The following SH3PXD2B variants were observed in gnomAD, a reference collection of about 807,000 sequenced individuals.
The protein encoded by SH3PXD2B is SH3 and PX domain-containing protein 2B.
SH3PXD2B carries 37 observed loss-of-function variants against 73.1 expected under a neutral mutation model. That is an observed-to-expected ratio of 0.51 (90% CI 0.39 to 0.67). The LOEUF (loss-of-function observed/expected upper bound fraction) is 0.67. Among genes scored for constraint, SH3PXD2B ranks in the 30% least tolerant of loss-of-function variants. The pLI is 0.00. For synonymous variants in SH3PXD2B, 457 were observed against 480.5 expected (o/e 0.95, Z 0.64); for missense variants, 1,053 against 1,197.8 (o/e 0.88, Z 1.78).
At chr5:172,376,796 G>A (rs567354848) in intron 5 of SH3PXD2B, among the ~76,000 whole-genome samples, 5 of 152,288 alleles carry the variant, frequency 3.3e-5, no homozygotes, top group South Asian at 2.1e-4. Context: ...CACTGCGTCC[G>A]CATACATCCC....
chr5:172,361,681 C>A (rs950777014), intron 7 of SH3PXD2B, among the ~76,000 whole-genome samples: 1 of 152,200 alleles, frequency 6.6e-6, no homozygotes, highest in Non-Finnish European at 1.5e-5. Context: ...CGAATTCTGG[C>A]TCTGCAGGCT....
At chr5:172,383,942 G>A (rs1195411291) in intron 4 of SH3PXD2B, among the ~76,000 whole-genome samples, 2 of 151,902 alleles carry the variant, frequency 1.3e-5, no homozygotes, top group Non-Finnish European at 2.9e-5. Context: ...TGCCTCCCGG[G>A]TTCAAGTGAT....
chr5:172,381,445 C>T (rs1005435554), intron 5 of SH3PXD2B, among the ~76,000 whole-genome samples: 4 of 152,170 alleles, frequency 2.6e-5, no homozygotes, highest in East Asian at 1.9e-4. Context: ...GGTAAGCAGG[C>T]GGTGCTAGAG....
chr5:172,443,147 C>A (rs1759584678), intron 1 of SH3PXD2B, among the ~76,000 whole-genome samples: 1 of 152,140 alleles, frequency 6.6e-6, no homozygotes, highest in Non-Finnish European at 1.5e-5. Flanking sequence ...AATAACAGAA[C>A]CTCGTGGTGG....
intron 5 of SH3PXD2B, among the ~76,000 whole-genome samples, chr5:172,376,719 G>A (rs1013585470): frequency 1.3e-5 from 2 of 152,208 alleles, no homozygotes; most frequent in Non-Finnish European, 2.9e-5. Context: ...GGTCAGAGTG[G>A]AATGTCCTAG....
chr5:172,412,487 C>T (rs1001688479), intron 2 of SH3PXD2B, among the ~76,000 whole-genome samples: 1 of 152,220 alleles, frequency 6.6e-6, no homozygotes, highest in Non-Finnish European at 1.5e-5. Flanking sequence ...ATTTAAACCA[C>T]ATCCAATTTT....
At chr5:172,433,894 C>T (rs1034353253) in intron 1 of SH3PXD2B, among the ~76,000 whole-genome samples, 1 of 152,138 alleles carries the variant, frequency 6.6e-6, no homozygotes, top group Non-Finnish European at 1.5e-5. Context: ...GAATGTTGCC[C>T]AACCCTTCAC....
chr5:172,347,297 G>A lies in SH3PXD2B; in HGVS notation c.1048C>T (p.Arg350Trp), dbSNP rs1311003368. The A allele has an allele frequency of 7.4e-6, 12 of 1,614,020 alleles. No homozygotes were observed. The highest frequency in any genetic ancestry group is 6.8e-6 in the Non-Finnish European group (8 of 1,180,016). Residue 350 changes from arginine (R) to tryptophan (W), a missense_variant, in exon 11 of 13, where the codon CGG becomes TGG. Arg to Trp is a moderately radical substitution (Grantham distance 101, BLOSUM62 -3). Coordinates refer to ENST00000311601, the MANE Select transcript of SH3PXD2B (RefSeq NM_001017995.3). ...PKMRQRPPPR[R>W]DMTIPRGLNL... The stretch of plus-strand genomic sequence containing the variant: ...GATCCACTTACAATGGTCATGTCCC[G>A]GCGAGGAGGGGGTCTCTGCCTCATC...
intron 6 of SH3PXD2B, among the ~76,000 whole-genome samples, chr5:172,371,091 G>A (rs1757694115): frequency 6.6e-6 from 1 of 152,134 alleles, no homozygotes; most frequent in South Asian, 2.1e-4. Flanking sequence ...CTCTCAAGAG[G>A]TACAGTGCCT....
At chr5:172,365,369 C>T (rs1033803416) in intron 6 of SH3PXD2B, among the ~76,000 whole-genome samples, 1 of 152,216 alleles carries the variant, frequency 6.6e-6, no homozygotes. Context: ...CTGGATCACA[C>T]AGCTGGCTAT....
chr5:172,326,639 TGTC>T (rs1451720130), intron 12 of SH3PXD2B, among the ~76,000 whole-genome samples: 1 of 152,218 alleles, frequency 6.6e-6, no homozygotes, highest in African/African-American at 2.4e-5. Flanking sequence ...AGGCAGGGGT[TGTC>T]AAGCTCTGTA....
chr5:172,402,789 G>C (rs1159886876), intron 3 of SH3PXD2B, among the ~76,000 whole-genome samples: 1 of 152,228 alleles, frequency 6.6e-6, no homozygotes, highest in Non-Finnish European at 1.5e-5. Context: ...CCAGCACCGG[G>C]GTGGCCCTTA....
At chr5:172,447,025 C>A (rs1409315412) in intron 1 of SH3PXD2B, among the ~76,000 whole-genome samples, 2 of 152,078 alleles carry the variant, frequency 1.3e-5, no homozygotes, top group Non-Finnish European at 2.9e-5. Context: ...CAGGAGAATC[C>A]TTTGGGACAG....
chr5:172,439,888 G>A (rs1194645141), intron 1 of SH3PXD2B, among the ~76,000 whole-genome samples: 1 of 152,176 alleles, frequency 6.6e-6, no homozygotes, highest in African/African-American at 2.4e-5. Context: ...CAGGCGTGCA[G>A]CTCCAGCCCA....
chr5:172,378,611 C>T (rs912981457), intron 5 of SH3PXD2B, among the ~76,000 whole-genome samples: 3 of 152,220 alleles, frequency 2.0e-5, no homozygotes, highest in East Asian at 1.9e-4. Context: ...CCTTCCTCTG[C>T]CCTTGGGCAA....
intron 10 of SH3PXD2B, among the ~76,000 whole-genome samples, chr5:172,350,058 T>C (rs1265362831): frequency 6.6e-6 from 1 of 152,192 alleles, no homozygotes; most frequent in East Asian, 1.9e-4. Context: ...TTTCACCATG[T>C]TGGCCAGGCT....
rs761819354 is a variant in SH3PXD2B, at chr5:172,350,503, G to A, written c.872C>T (p.Ser291Leu). The change falls in exon 10 of 13, where the codon TCA becomes TTA. Residue 291 changes from serine to leucine, a missense_variant. By Grantham distance (145) the Ser-to-Leu change is moderately radical (BLOSUM62 -2). Coordinates refer to ENST00000311601, the MANE Select transcript of SH3PXD2B (RefSeq NM_001017995.3). ...EPLPPKPGPG[S>L]PSHPGALDLD... ...GTCAAGGGCACCCGGGTGGGAGGGT[G>A]AGCCAGGGCCTGGCTTCGGGGGCAA... 2.5e-6 allele frequency: 4 copies of A among 1,614,054 alleles called. No individual in the cohort carries two copies. Among genetic ancestry groups the A allele is most frequent in the South Asian group, 1.1e-5 (1 of 91,082 alleles).
At chr5:172,344,255 T>A (rs1228172386) in intron 12 of SH3PXD2B, among the ~76,000 whole-genome samples, 1 of 151,962 alleles carries the variant, frequency 6.6e-6, no homozygotes, top group East Asian at 1.9e-4. Context: ...GAAGCAAAAC[T>A]GGAGAAGAGA....
rs145262221 is a variant in SH3PXD2B, at chr5:172,450,968, T to C, written c.75+3310A>G. Among the ~76,000 whole-genome samples the C allele has an allele frequency of 3.3e-3, 497 of 152,326 alleles. 3 individuals are homozygous for C. Among genetic ancestry groups the C allele is most frequent in the African/African-American group, 0.011 (439 of 41,578 alleles). On this transcript the variant is annotated intron_variant, in intron 1 of 12. Coordinates refer to ENST00000311601, the MANE Select transcript of SH3PXD2B (RefSeq NM_001017995.3). ...GCTCTCCAAACAATATCATGGTTCA[T>C]TGTCATCAGCCTCTCAGGATCTCAC...
Sources: allele counts gnomAD v4.1 joint callset (sites outside exome capture counted in the v4.1 genomes callset), GRCh38; gene constraint gnomAD v4.1.1; transcripts MANE v1.5; gene names NCBI Gene and HGNC (gene_info 2026-07-23, HGNC 2026-07-21).